The following GLIS3 variants were observed in gnomAD, a reference collection of about 807,000 sequenced individuals.
GLIS3 encodes the protein zinc finger protein GLIS3.
In GLIS3, 53 loss-of-function variants were observed where a neutral mutation model predicts 78.6. The observed-to-expected ratio is 0.67, with a 90% CI of 0.54 to 0.85. GLIS3 has a LOEUF of 0.85. Ranked by LOEUF, GLIS3 falls within the 40% of genes least tolerant of loss-of-function variation. The pLI is 0.00. For synonymous variants in GLIS3, 684 were observed against 509.9 expected (o/e 1.34, Z -4.60); for missense variants, 1,703 against 1,231.1 (o/e 1.38, Z -5.74).
intron 2 of GLIS3, among the ~76,000 whole-genome samples, chr9:4,235,689 C>T (rs573600267): frequency 6.6e-5 from 10 of 152,046 alleles, no homozygotes; most frequent in African/African-American, 1.9e-4. Context: ...AAAACTCCAT[C>T]GGGGCACTGA....
chr9:3,900,624 A>G (rs1823224315), intron 6 of GLIS3, among the ~76,000 whole-genome samples: 2 of 152,230 alleles, frequency 1.3e-5, no homozygotes, highest in African/African-American at 4.8e-5. Flanking sequence ...TTGATGGACT[A>G]TTATGCAACC....
the GLIS3 span, among the ~76,000 whole-genome samples, chr9:4,384,020 G>C: frequency 6.6e-6 from 1 of 152,192 alleles, no homozygotes; most frequent in Non-Finnish European, 1.5e-5. Flanking sequence ...GTGTGCCATT[G>C]GCTGCCAATC....
the GLIS3 span, among the ~76,000 whole-genome samples, chr9:4,398,832 G>A: frequency 1.3e-5 from 2 of 152,106 alleles, no homozygotes; most frequent in Admixed American, 6.5e-5. Context: ...GGGATTACAG[G>A]TGCCCACCAA....
chr9:4,382,625 T>G, the GLIS3 span, among the ~76,000 whole-genome samples: 1 of 152,166 alleles, frequency 6.6e-6, no homozygotes, highest in Non-Finnish European at 1.5e-5. Context: ...ATCATCAGAA[T>G]CCTCAGAAAA....
the GLIS3 span, among the ~76,000 whole-genome samples, chr9:4,404,238 C>A: frequency 2.0e-5 from 3 of 152,120 alleles, no homozygotes; most frequent in Admixed American, 2.0e-4. Flanking sequence ...ATTATTAGAG[C>A]TAAAGAGAGA....
chr9:4,479,812 A>C, the GLIS3 span, among the ~76,000 whole-genome samples: 2 of 151,846 alleles, frequency 1.3e-5, no homozygotes, highest in Non-Finnish European at 2.9e-5. Context: ...TTCCTGGATG[A>C]AGCTTAGAGA....
intron 4 of GLIS3, among the ~76,000 whole-genome samples, chr9:3,958,963 C>T (rs1817354931): frequency 6.6e-6 from 1 of 152,190 alleles, no homozygotes; most frequent in African/African-American, 2.4e-5. Context: ...GATTAATCTT[C>T]AGTAAAGACT....
At chr9:4,143,353 G>C (rs1402876105) in intron 2 of GLIS3, among the ~76,000 whole-genome samples, 2 of 151,960 alleles carry the variant, frequency 1.3e-5, no homozygotes, top group Non-Finnish European at 2.9e-5. Context: ...GATCACCCGA[G>C]GTCAGGAGTT....
chr9:3,881,259 T>C (rs2130475011), intron 7 of GLIS3, among the ~76,000 whole-genome samples: 1 of 152,296 alleles, frequency 6.6e-6, no homozygotes, highest in East Asian at 1.9e-4. Context: ...AGAGATACTA[T>C]GAAAACACAG....
At chr9:4,298,033 GC>G (rs943120455) in intron 1 of GLIS3, among the ~76,000 whole-genome samples, 7 of 152,144 alleles carry the variant, frequency 4.6e-5, no homozygotes, top group African/African-American at 1.4e-4. Context: ...CTAACCCTCG[GC>G]CCCGTGCGCG....
chr9:3,980,106 T>A (rs1406008878), intron 4 of GLIS3, among the ~76,000 whole-genome samples: 1 of 152,186 alleles, frequency 6.6e-6, no homozygotes, highest in Non-Finnish European at 1.5e-5. Context: ...CTTTGAGCAG[T>A]GGACTTCTTC....
chr9:4,214,544 C>T (rs576350262), intron 2 of GLIS3, among the ~76,000 whole-genome samples: 1 of 152,300 alleles, frequency 6.6e-6, no homozygotes, highest in East Asian at 1.9e-4. Flanking sequence ...CCCCAAGCTC[C>T]CACGCCAGGA....
At chr9:4,189,566 G>T (rs913684138) in intron 2 of GLIS3, among the ~76,000 whole-genome samples, 1 of 152,068 alleles carries the variant, frequency 6.6e-6, no homozygotes, top group Non-Finnish European at 1.5e-5. Flanking sequence ...TTTCTGTCTC[G>T]TTGATCTGTC....
intron 2 of GLIS3, among the ~76,000 whole-genome samples, chr9:4,235,613 G>C (rs890151821): frequency 6.6e-6 from 1 of 152,082 alleles, no homozygotes; most frequent in Non-Finnish European, 1.5e-5. Context: ...CAGTCCTCCT[G>C]TCTGTCCTCT....
At chr9:4,049,337 C>G (rs749801642) in intron 4 of GLIS3, among the ~76,000 whole-genome samples, 31 of 152,176 alleles carry the variant, frequency 2.0e-4, no homozygotes, top group Non-Finnish European at 3.5e-4. Flanking sequence ...TGCAGGGCCC[C>G]TTCCTCACCT....
intron 7 of GLIS3, among the ~76,000 whole-genome samples, chr9:3,887,448 A>AGCGT: frequency 6.6e-6 from 1 of 152,216 alleles, no homozygotes; most frequent in Non-Finnish European, 1.5e-5. Context: ...TTTGAGCTTA[A>AGCGT]GCGTGCTGCT....
chr9:4,309,481 G>T (rs1241054162), intron 3 of GLIS3, among the ~76,000 whole-genome samples: 5 of 152,008 alleles, frequency 3.3e-5, no homozygotes, highest in African/African-American at 4.8e-5. Flanking sequence ...TTCTCAAATT[G>T]GACAATTCTG....
chr9:3,830,827 CTCTT>C (rs982475579), intron 9 of GLIS3, among the ~76,000 whole-genome samples: 10 of 152,038 alleles, frequency 6.6e-5, no homozygotes, highest in Non-Finnish European at 1.3e-4. Context: ...CTTCTTAGCT[CTCTT>C]TAAGTAAAAC....
chr9:4,376,860 T>G, the GLIS3 span, among the ~76,000 whole-genome samples: 5 of 135,322 alleles, frequency 3.7e-5, no homozygotes, highest in East Asian at 1.1e-3. Context: ...AAGGTGACTT[T>G]GCAATATGCA....
Sources: allele counts gnomAD v4.1 joint callset (sites outside exome capture counted in the v4.1 genomes callset), GRCh38; gene constraint gnomAD v4.1.1; transcripts MANE v1.5; gene names NCBI Gene and HGNC (gene_info 2026-07-23, HGNC 2026-07-21).